The following MARCHF1 variants were observed in gnomAD, a reference collection of about 807,000 sequenced individuals.
The protein encoded by MARCHF1 is E3 ubiquitin-protein ligase MARCHF1.
In MARCHF1, 40 loss-of-function variants were observed where a neutral mutation model predicts 54.2. The ratio of observed to expected loss-of-function variants is 0.74; its 90% confidence interval spans 0.57 to 0.96. MARCHF1 has a LOEUF of 0.96. MARCHF1 is among the 40% of genes least tolerant of loss of function. The pLI, the probability that MARCHF1 is intolerant of heterozygous loss-of-function variation, is 0.00. For missense variants in MARCHF1, 586 were observed against 656.5 expected (o/e 0.89, Z 1.17); for synonymous variants, 236 against 236.3 (o/e 1.00, Z 0.01).
At chr4:163,697,129 G>A (rs899528793) in intron 5 of MARCHF1, among the ~76,000 whole-genome samples, 8 of 152,064 alleles carry the variant, frequency 5.3e-5, no homozygotes, top group Admixed American at 3.3e-4. Flanking sequence ...TGAGTTTGAC[G>A]ACACATATGA....
chr4:164,206,162 C>A (rs184856151), intron 1 of MARCHF1, among the ~76,000 whole-genome samples: 27 of 152,084 alleles, frequency 1.8e-4, no homozygotes, highest in African/African-American at 6.0e-4. Context: ...TTTGGCCAGG[C>A]GCGGTGGCTC....
chr4:163,757,469 C>T (rs995222892), intron 4 of MARCHF1, among the ~76,000 whole-genome samples: 7 of 152,172 alleles, frequency 4.6e-5, no homozygotes, highest in African/African-American at 9.7e-5. Context: ...CTCTGCCCAT[C>T]CCTATTTTGA....
In MARCHF1 at chr4:163,915,094, T is replaced by C. The variant is rs200834008; in HGVS notation, c.-38-60925A>G. On this transcript the variant is annotated intron_variant, in intron 3 of 9. Coordinates refer to ENST00000514618, the MANE Select transcript of MARCHF1 (RefSeq NM_001394959.1). ...TTTGGGGGTTTTAAACAGGAGCATA[T>C]CTTGTTTTATTTTTAAAAACCACCT... is the stretch of plus-strand genomic sequence containing the variant. Among the ~76,000 whole-genome samples, 7 of 152,244 alleles carry C rather than the reference T, an allele frequency of 4.6e-5. No homozygotes were observed. In the East Asian group the frequency reaches 1.2e-3, roughly 25 times the overall value.
intron 1 of MARCHF1, among the ~76,000 whole-genome samples, chr4:164,212,458 A>G (rs1344953814): frequency 4.6e-5 from 7 of 152,078 alleles, no homozygotes; most frequent in Admixed American, 4.6e-4. Context: ...ATATCTTTCT[A>G]TGGATGTTAA....
intron 1 of MARCHF1, among the ~76,000 whole-genome samples, chr4:164,241,835 G>A (rs531790772): frequency 3.5e-4 from 54 of 152,342 alleles, no homozygotes; most frequent in African/African-American, 1.3e-3. Flanking sequence ...AGGTCAGGGA[G>A]TTCCCTTTCT....
intron 1 of MARCHF1, chr4:164,189,420 T>C: frequency 1.5e-6 from 1 of 683,436 alleles, no homozygotes; most frequent in Admixed American, 2.2e-5. Flanking sequence ...TGTTGGAAAA[T>C]TCTGATTTGA....
At chr4:164,096,215 A>G (rs1352938477) in intron 2 of MARCHF1, among the ~76,000 whole-genome samples, 1 of 152,212 alleles carries the variant, frequency 6.6e-6, no homozygotes, top group Non-Finnish European at 1.5e-5. Context: ...GTACATATAT[A>G]TTATGGAATA....
At chr4:163,727,164 C>A (rs1247493468) in intron 4 of MARCHF1, among the ~76,000 whole-genome samples, 2 of 152,026 alleles carry the variant, frequency 1.3e-5, no homozygotes, top group Non-Finnish European at 2.9e-5. Flanking sequence ...TTTATATTTT[C>A]TTCCATTTTA....
chr4:164,315,520 C>CCT lies in MARCHF1; in HGVS notation c.-323+68349_-323+68350insAG, dbSNP rs1734973721. Among the ~76,000 whole-genome samples the CCT allele has an allele frequency of 2.0e-5, 3 of 152,218 alleles. No homozygotes were observed. The South Asian group carries it at 6.2e-4, about 32-fold the overall frequency. Reference sequence around the variant, plus strand: ...ATCATAGGAAAGGGAGGTAGATGTACCCCGTATCACTGTCAGATGGAAGCA... The same window carrying CCT: ...ATCATAGGAAAGGGAGGTAGATGTACCTCCCGTATCACTGTCAGATGGAAGCA... On this transcript the variant is annotated intron_variant, in intron 1 of 9. Coordinates refer to ENST00000514618, the MANE Select transcript of MARCHF1 (RefSeq NM_001394959.1).
rs377453558 is a variant in MARCHF1, at chr4:163,631,009, G to T, written c.163-17616C>A. The stretch of plus-strand genomic sequence containing the variant: ...TGTGGAGAGGAATGTAAGTGTCTGT[G>T]GTTTTGAAACAGTATGCACTACAGG... On this transcript the variant is annotated intron_variant, in intron 5 of 9. Transcript: ENST00000514618. Among the ~76,000 whole-genome samples the T allele has an allele frequency of 3.7e-4, 56 of 152,200 alleles. 1 individual carries two copies. Among genetic ancestry groups the T allele is most frequent in the African/African-American group, 1.3e-3 (55 of 41,524 alleles).
chr4:163,729,169 G>T (rs1050170272), intron 4 of MARCHF1, among the ~76,000 whole-genome samples: 3 of 152,034 alleles, frequency 2.0e-5, no homozygotes, highest in Non-Finnish European at 4.4e-5. Flanking sequence ...GATTCAATCT[G>T]TCCATATTTT....
intron 1 of MARCHF1, among the ~76,000 whole-genome samples, chr4:164,235,853 A>G (rs1282352552): frequency 6.6e-6 from 1 of 152,130 alleles, no homozygotes; most frequent in Admixed American, 6.6e-5. Flanking sequence ...TAATTCATCT[A>G]TGTAACAAAA....
intron 1 of MARCHF1, among the ~76,000 whole-genome samples, chr4:164,154,631 G>C (rs1730029383): frequency 6.6e-6 from 1 of 152,176 alleles, no homozygotes; most frequent in South Asian, 2.1e-4. Flanking sequence ...AATGAGGGGA[G>C]CTCTTTTGGG....
chr4:163,867,989 T>C (rs945244971), intron 3 of MARCHF1, among the ~76,000 whole-genome samples: 3 of 151,828 alleles, frequency 2.0e-5, no homozygotes, highest in African/African-American at 7.3e-5. Context: ...TACTTACCTG[T>C]TTCCCCAATT....
intron 1 of MARCHF1, among the ~76,000 whole-genome samples, chr4:164,375,842 C>T (rs1449247053): frequency 6.6e-6 from 1 of 152,176 alleles, no homozygotes; most frequent in African/African-American, 2.4e-5. Context: ...TCATTTCTCC[C>T]TCTGTTAGAA....
intron 5 of MARCHF1, among the ~76,000 whole-genome samples, chr4:163,684,055 G>A (rs895679376): frequency 4.6e-5 from 7 of 152,202 alleles, no homozygotes; most frequent in African/African-American, 1.7e-4. Context: ...TAGCCTTTAT[G>A]CCTCTCAAGG....
intron 1 of MARCHF1, among the ~76,000 whole-genome samples, chr4:164,291,934 A>G (rs561159094): frequency 6.6e-6 from 1 of 152,242 alleles, no homozygotes; most frequent in East Asian, 1.9e-4. Context: ...TTACTATAAT[A>G]TAACTCATTC....
intron 4 of MARCHF1, among the ~76,000 whole-genome samples, chr4:163,800,604 T>C (rs962614476): frequency 6.6e-6 from 1 of 152,084 alleles, no homozygotes; most frequent in African/African-American, 2.4e-5. Flanking sequence ...CAAAATTGTA[T>C]GGTATTTTCT....
intron 4 of MARCHF1, among the ~76,000 whole-genome samples, chr4:163,852,755 C>T (rs114111130): frequency 6.2e-4 from 94 of 152,260 alleles, no homozygotes; most frequent in African/African-American, 2.2e-3. Context: ...TTAATATCAA[C>T]TCACTAAGGT....
Sources: gnomAD v4.1 joint callset for allele counts (sites outside exome capture counted in the v4.1 genomes callset) on GRCh38, gnomAD v4.1.1 for gene constraint, MANE v1.5 for transcripts, NCBI Gene and HGNC (gene_info 2026-07-23, HGNC 2026-07-21) for gene names.